RIMBP2: variants seen among roughly 807,000 people sequenced by gnomAD.
RIMBP2 encodes the protein RIMS binding protein 2, also known as RIMS-binding protein 2.
In RIMBP2, 48 loss-of-function variants were observed where a neutral mutation model predicts 118.6. The observed-to-expected ratio is 0.40, with a 90% CI of 0.32 to 0.51. The LOEUF is 0.51. Among genes scored for constraint, RIMBP2 ranks in the 20% least tolerant of loss-of-function variants. RIMBP2 has a pLI of 0.41. For missense variants in RIMBP2, 1,551 were observed against 1,768.3 expected, an observed-to-expected ratio of 0.88 and a Z score of 2.20; for synonymous variants, 762 against 742.9, an observed-to-expected ratio of 1.03 and a Z score of -0.42.
intron 2 of RIMBP2, among the ~76,000 whole-genome samples, chr12:130,583,783 A>G (rs2058642786): frequency 1.6e-5 from 1 of 60,654 alleles, no homozygotes; most frequent in South Asian, 7.8e-4. Flanking sequence ...CACCACCGCC[A>G]TCACCTCATC....
intron 1 of RIMBP2, among the ~76,000 whole-genome samples, chr12:130,661,515 C>A (rs947698544): frequency 6.6e-6 from 1 of 152,196 alleles, no homozygotes; most frequent in Non-Finnish European, 1.5e-5. Context: ...GGTCATATGA[C>A]CCCTTTGCAC....
intron 2 of RIMBP2, among the ~76,000 whole-genome samples, chr12:130,560,223 C>T (rs7311454): frequency 0.37 from 56,377 of 152,002 alleles, 10,805 homozygotes; most frequent in Non-Finnish European, 0.43. Flanking sequence ...AAAAGACTTC[C>T]TAAGTTCCCA....
At chr12:130,704,301 G>C (rs1204972726) in intron 1 of RIMBP2, among the ~76,000 whole-genome samples, 6 of 152,186 alleles carry the variant, frequency 3.9e-5, no homozygotes, top group Non-Finnish European at 8.8e-5. Context: ...AAAAGCCAGG[G>C]GTGGTGGTTC....
rs141781855 is a variant in RIMBP2, at chr12:130,434,567, T to C, written c.2253+167A>G. ...ATGAGGGTATGTGACAGGCATTAAA[T>C]ATAAACTTCAGAAACCTAGCACGAC... On this transcript the variant is annotated intron_variant, in intron 14 of 22. Coordinates refer to ENST00000690449, the MANE Select transcript of RIMBP2 (RefSeq NM_001393629.1). This position sits in a 1 kb window ranked among gnomAD's most constrained non-coding sequence, Gnocchi z 5.7. 4.2e-3 allele frequency among the ~76,000 whole-genome samples: 642 copies of C among 152,240 alleles called. 4 individuals carry two copies. The highest frequency in any genetic ancestry group is 0.015 in the African/African-American group (626 of 41,552).
intron 1 of RIMBP2, among the ~76,000 whole-genome samples, chr12:130,677,792 C>G (rs985311446): frequency 6.6e-6 from 1 of 152,194 alleles, no homozygotes; most frequent in Non-Finnish European, 1.5e-5. Flanking sequence ...CAATTTCCAC[C>G]ACTGTCCCCC....
chr12:130,465,504 G>C (rs1161287205), intron 6 of RIMBP2: 1 of 152,328 alleles, frequency 6.6e-6, no homozygotes, highest in Non-Finnish European at 1.5e-5. Context: ...CCAGCCCCTA[G>C]ACTTTTCTCA....
At chr12:130,615,272 C>CACACATATATATATAT (rs1429575646) in intron 2 of RIMBP2, among the ~76,000 whole-genome samples, 1 of 38,806 alleles carries the variant, frequency 2.6e-5, no homozygotes, top group Non-Finnish European at 4.6e-5. Flanking sequence ...ACATAATACA[C>CACACATATATATATAT]ATACATATAT....
chr12:130,522,343 G>A (rs2052222616), intron 2 of RIMBP2, among the ~76,000 whole-genome samples: 1 of 152,222 alleles, frequency 6.6e-6, no homozygotes, highest in Non-Finnish European at 1.5e-5. Flanking sequence ...GACAGGGCCA[G>A]AGGTGCTAGA....
intron 2 of RIMBP2, among the ~76,000 whole-genome samples, chr12:130,590,720 C>T (rs1281002445): frequency 1.3e-5 from 2 of 152,206 alleles, no homozygotes; most frequent in Non-Finnish European, 1.5e-5. Flanking sequence ...CAGACCTCCC[C>T]GCTTCTGAGG....
chr12:130,490,275 G>A (rs967161870), intron 4 of RIMBP2, among the ~76,000 whole-genome samples: 3 of 151,852 alleles, frequency 2.0e-5, no homozygotes, highest in Non-Finnish European at 4.4e-5. Context: ...AAAACTCACG[G>A]AAATGTTGAT....
rs1033432300 is a variant in RIMBP2, at chr12:130,475,487, G to C, written c.102+3425C>G. On this transcript the variant is annotated intron_variant, in intron 5 of 22. Coordinates refer to ENST00000690449, the MANE Select transcript of RIMBP2 (RefSeq NM_001393629.1). The surrounding 1 kb of genome is among the most constrained non-coding windows in gnomAD (Gnocchi z 4.1). The stretch of plus-strand genomic sequence containing the variant: ...ACTCCTGCCTCACATTGCACATCAA[G>C]AAAAACAACATTATAGGATGGAGGA... 6.6e-6 allele frequency among the ~76,000 whole-genome samples: 1 copy of C among 151,964 alleles called. No individual in the cohort carries two copies. Among genetic ancestry groups the C allele is most frequent in the African/African-American group, 2.4e-5 (1 of 41,242 alleles).
At chr12:130,517,953 C>G (rs74850508) in intron 2 of RIMBP2, 36 bp from the exon 3 acceptor site, 27,576 of 889,360 alleles carry the variant, frequency 0.031, 699 homozygotes, top group South Asian at 0.14. Context: ...AGATGGTGCC[C>G]CCATGTTTAG....
chr12:130,424,245 T>C lies in RIMBP2; in HGVS notation c.3026A>G (p.His1009Arg), dbSNP rs1173735341. Reference sequence around the variant, plus strand: ...CTTCCAGACACCCCGAAAATCTTGGTGCTCGGTGGGCTCGCCCCAGCCGTG... The same window carrying C: ...CTTCCAGACACCCCGAAAATCTTGGCGCTCGGTGGGCTCGCCCCAGCCGTG... ...RKHGWGEPTE[H>R]QDFRGVWKKS... The change falls in exon 16 of 23, where the codon CAC (histidine) becomes CGC (arginine). Residue 1009 changes from histidine to arginine, a missense_variant. Physicochemically the swap from His to Arg is conservative, Grantham distance 29 (BLOSUM62 0). This residue lies in a region of RIMBP2 where 1,038 missense variants were observed against 1,125.1 expected (regional missense o/e 0.92). Coordinates refer to ENST00000690449, the MANE Select transcript of RIMBP2 (RefSeq NM_001393629.1). The surrounding 1 kb of genome is among the most constrained non-coding windows in gnomAD (Gnocchi z 9.8). 1 of 1,231,950 alleles carries C rather than the reference T, an allele frequency of 8.1e-7. No homozygotes were observed. Among genetic ancestry groups the C allele is most frequent in the African/African-American group, 1.5e-5 (1 of 64,536 alleles). 76.3% of individuals were successfully genotyped at this position (1,231,950 alleles called of 1,614,324 possible). A position where few individuals can be genotyped will look rare whatever the true frequency, so the allele number is the denominator to read the frequency against.
Position 130,523,922 on chromosome 12 carries a change from C to T in RIMBP2, c.-216-6005G>A, listed in dbSNP as rs986054334. On this transcript the variant is annotated intron_variant, in intron 2 of 22. Transcript: ENST00000690449. The surrounding 1 kb of genome is among the most constrained non-coding windows in gnomAD (Gnocchi z 4.4). Reference sequence around the variant, plus strand: ...GGGTCCACCCAGCACAAATACATAACAAAGGCATGTAAGGGCACAGCAAGG... The same window carrying T: ...GGGTCCACCCAGCACAAATACATAATAAAGGCATGTAAGGGCACAGCAAGG... 2.0e-5 allele frequency among the ~76,000 whole-genome samples: 3 copies of T among 152,286 alleles called. No homozygotes were observed. The highest frequency in any genetic ancestry group is 6.5e-5 in the Admixed American group (1 of 15,306).
At chr12:130,493,786 C>G (rs1325388774) in intron 4 of RIMBP2, among the ~76,000 whole-genome samples, 1 of 152,220 alleles carries the variant, frequency 6.6e-6, no homozygotes, top group Non-Finnish European at 1.5e-5. Flanking sequence ...ATACCTGAAA[C>G]CCCATCACAG....
At position 130,456,605 on chromosome 12, in the gene RIMBP2, G is replaced by C. The variant is rs2277361; in HGVS notation, c.249C>G (p.Gly83=). The C allele has an allele frequency of 0.45, 728,058 of 1,612,944 alleles. 167,685 individuals are homozygous for C. The highest frequency in any genetic ancestry group is 0.47 in the Non-Finnish European group (552,422 of 1,179,434). ...CGCTGCCACCCAGCAGGTCAATCTT[G>C]CCAGCGTGCTGCCGGAACTTCTCCA... The part of the protein sequence containing the change: ...RDLEKFRQHA[G]KIDLLGGSAV... Residue 83 remains glycine, a synonymous_variant, in exon 7 of 23, where the codon GGC becomes GGG. Transcript: ENST00000690449.
At chr12:130,472,551 C>T (rs950292132) in intron 5 of RIMBP2, among the ~76,000 whole-genome samples, 18 of 152,250 alleles carry the variant, frequency 1.2e-4, no homozygotes, top group African/African-American at 4.1e-4. Context: ...TACGCTGTGA[C>T]TTACATTTAC....
chr12:130,555,613 T>C (rs1356980652), intron 2 of RIMBP2, among the ~76,000 whole-genome samples: 1 of 152,232 alleles, frequency 6.6e-6, no homozygotes, highest in Admixed American at 6.5e-5. Context: ...ACCATCTGAA[T>C]GTCTTAAAAT....
Position 130,670,634 on chromosome 12 carries a change from C to T in RIMBP2, c.-351-42178G>A, listed in dbSNP as rs578192716. 4.0e-5 allele frequency among the ~76,000 whole-genome samples: 6 copies of T among 149,752 alleles called. No homozygotes were observed. The highest frequency in any genetic ancestry group is 2.0e-4 in the Admixed American group (3 of 15,112). The stretch of plus-strand genomic sequence containing the variant: ...ATTCCCAGTACCCTTCTCTCACACC[C>T]GCCTCCACTAGAGAGGCTGGAAAGG... On this transcript the variant is annotated intron_variant, in intron 1 of 22. Coordinates refer to ENST00000690449, the MANE Select transcript of RIMBP2 (RefSeq NM_001393629.1). This position sits in a 1 kb window ranked among gnomAD's most constrained non-coding sequence, Gnocchi z 4.9.
Sources: allele counts gnomAD v4.1 joint callset (sites outside exome capture counted in the v4.1 genomes callset), GRCh38; gene constraint gnomAD v4.1.1; regional missense constraint gnomAD v4.1.1; non-coding constraint Gnocchi (gnomAD v3.1); transcripts MANE v1.5; gene names NCBI Gene and HGNC (gene_info 2026-07-23, HGNC 2026-07-21).